The following HPCAL1 variants were observed in gnomAD, a reference collection of about 807,000 sequenced individuals.
HPCAL1 encodes the protein hippocalcin like 1, also known as hippocalcin-like protein 1.
In HPCAL1, 8 loss-of-function variants were observed where a neutral mutation model predicts 17.1. The ratio of observed to expected loss-of-function variants is 0.47; its 90% CI spans 0.27 to 0.84. The LOEUF (loss-of-function observed/expected upper bound fraction) is 0.84, where lower values mean the gene tolerates loss of function less well. HPCAL1 is among the 40% of genes least tolerant of loss of function. HPCAL1 has a pLI of 0.13. For synonymous variants in HPCAL1, 112 were observed against 111.4 expected (o/e 1.01, Z -0.03); for missense variants, 165 against 271.1 (o/e 0.61, Z 2.75).
intron 1 of HPCAL1, among the ~76,000 whole-genome samples, chr2:10,327,389 G>C (rs760133724): frequency 6.6e-6 from 1 of 152,210 alleles, no homozygotes; most frequent in African/African-American, 2.4e-5. Flanking sequence ...CCCCTGCCGA[G>C]TGGCTAGCGT....
rs568602490 is a variant in HPCAL1, at chr2:10,325,885, C to T, written c.-111+22708C>T. On this transcript the variant is annotated intron_variant, in intron 1 of 4. Transcript: ENST00000307845. ...GGCCATTTCCTTGCTGCATGGGAGC[C>T]GCTGGCCTTTTTCCACTGTGTTGGG... Among the ~76,000 whole-genome samples the T allele has an allele frequency of 4.6e-5, 7 of 152,326 alleles. No homozygotes were observed. In the East Asian group the frequency reaches 1.2e-3, roughly 25 times the overall value.
At chr2:10,400,802 G>T (rs534631472) in intron 2 of HPCAL1, among the ~76,000 whole-genome samples, 2 of 152,154 alleles carry the variant, frequency 1.3e-5, no homozygotes, top group Non-Finnish European at 2.9e-5. Context: ...CACACATTGT[G>T]GGCAGGCACA....
At chr2:10,405,073 A>G (rs928877249) in intron 2 of HPCAL1, among the ~76,000 whole-genome samples, 2 of 152,010 alleles carry the variant, frequency 1.3e-5, no homozygotes, top group Non-Finnish European at 2.9e-5. Flanking sequence ...CTTTATCCTC[A>G]CAACTGCTCA....
rs192308135 is a variant in HPCAL1 at position 10,416,264 on chromosome 2, C to T, written c.-24-3470C>T. On this transcript the variant is annotated intron_variant, in intron 2 of 4. Transcript: ENST00000307845. The stretch of plus-strand genomic sequence containing the variant: ...TCTTTTAGGCGGGCCATGATTCAAC[C>T]CATGCATCTGGGCCTAGGAAGTGGA... 1.6e-3 allele frequency among the ~76,000 whole-genome samples: 244 copies of T among 152,324 alleles called. 2 individuals are homozygous for T. Among genetic ancestry groups the T allele is most frequent in the African/African-American group, 5.7e-3 (236 of 41,578 alleles).
chr2:10,399,925 A>C (rs1419680492), intron 2 of HPCAL1, among the ~76,000 whole-genome samples: 1 of 152,254 alleles, frequency 6.6e-6, no homozygotes, highest in Admixed American at 6.5e-5. Context: ...GATGGAGAAC[A>C]GACCAGAGTA....
rs1404318595 is a variant in HPCAL1, at chr2:10,331,203, T to C, written c.-111+28026T>C. ...GCTCTGGGGACAGCCTGGACTCTCC[T>C]GCCTGCCCCCAGGTGCCCCCGGCCC... is the stretch of plus-strand genomic sequence containing the variant. On this transcript the variant is annotated intron_variant, in intron 1 of 4. Coordinates refer to ENST00000307845, the MANE Select transcript of HPCAL1 (RefSeq NM_002149.4). The surrounding 1 kb of genome is among the most constrained non-coding windows in gnomAD (Gnocchi z 5.0). 6.6e-6 allele frequency among the ~76,000 whole-genome samples: 1 copy of C among 152,062 alleles called. No homozygotes were observed.
At chr2:10,305,728 T>C (rs1352948630) in intron 1 of HPCAL1, among the ~76,000 whole-genome samples, 2 of 152,182 alleles carry the variant, frequency 1.3e-5, no homozygotes, top group East Asian at 1.9e-4. Flanking sequence ...TAGAGATAGA[T>C]TCTAAGTGAA....
At chr2:10,420,238 G>A in intron 3 of HPCAL1, 103 bp downstream of exon 3, 1 of 908,426 alleles carries the variant, frequency 1.1e-6, no homozygotes, top group Non-Finnish European at 1.5e-6. Flanking sequence ...TTTTAAGACA[G>A]GAATCTTGCT....
At chr2:10,382,320 A>G (rs564342148) in intron 1 of HPCAL1, among the ~76,000 whole-genome samples, 1 of 152,264 alleles carries the variant, frequency 6.6e-6, no homozygotes, top group South Asian at 2.1e-4. Flanking sequence ...GGGCATTTTT[A>G]AGGCAGTGAA....
chr2:10,339,804 G>T (rs1184061385), intron 1 of HPCAL1, among the ~76,000 whole-genome samples: 5 of 152,226 alleles, frequency 3.3e-5, no homozygotes, highest in Non-Finnish European at 7.3e-5. Context: ...ATGCCCGGCA[G>T]GACGTAGCAA....
At chr2:10,404,538 T>C (rs978676971) in intron 2 of HPCAL1, among the ~76,000 whole-genome samples, 11 of 152,104 alleles carry the variant, frequency 7.2e-5, no homozygotes, top group African/African-American at 2.2e-4. Context: ...AGCCACAGAC[T>C]CCCCAGAGAC....
At chr2:10,349,696 C>G (rs1483224750) in intron 1 of HPCAL1, among the ~76,000 whole-genome samples, 1 of 69,800 alleles carries the variant, frequency 1.4e-5, no homozygotes, top group African/African-American at 7.0e-5. Context: ...GAGCAAGACT[C>G]TGTCTCAAAA....
At chr2:10,326,989 C>T (rs1047999805) in intron 1 of HPCAL1, among the ~76,000 whole-genome samples, 1 of 152,206 alleles carries the variant, frequency 6.6e-6, no homozygotes, top group Admixed American at 6.5e-5. Flanking sequence ...TCCTCGGAAG[C>T]CCTTCGTCAC....
chr2:10,400,002 A>G (rs2125588262), intron 2 of HPCAL1, among the ~76,000 whole-genome samples: 1 of 152,288 alleles, frequency 6.6e-6, no homozygotes, highest in Non-Finnish European at 1.5e-5. Flanking sequence ...CAAAACAGAA[A>G]TGAGAGAAAG....
intron 1 of HPCAL1, among the ~76,000 whole-genome samples, chr2:10,345,196 T>C (rs1665350345): frequency 6.6e-6 from 1 of 152,232 alleles, no homozygotes; most frequent in Non-Finnish European, 1.5e-5. Flanking sequence ...CCTGCCTGTC[T>C]GTCTGTCTCT....
chr2:10,379,602 A>G (rs758335019), intron 1 of HPCAL1, among the ~76,000 whole-genome samples: 99 of 152,272 alleles, frequency 6.5e-4, no homozygotes, highest in Non-Finnish European at 1.1e-3. Context: ...ATGTCTCTCA[A>G]TAGGCTTTGC....
intron 1 of HPCAL1, among the ~76,000 whole-genome samples, chr2:10,374,235 G>A (rs938665757): frequency 6.6e-6 from 1 of 151,998 alleles, no homozygotes; most frequent in African/African-American, 2.4e-5. Flanking sequence ...CTGGGACAAC[G>A]GGCTGCATAA....
At chr2:10,327,198 G>A (rs957017263) in intron 1 of HPCAL1, among the ~76,000 whole-genome samples, 3 of 152,244 alleles carry the variant, frequency 2.0e-5, no homozygotes, top group East Asian at 3.8e-4. Flanking sequence ...GGGATTTGCA[G>A]CCACAGCTAA....
In HPCAL1 at chr2:10,304,411, G is replaced by A. The variant is rs1038436472; in HGVS notation, c.-111+1234G>A. ...AAAGGCCACCCCTTTCCTCCTGGCT[G>A]ACCCCAATTCCACCAGAGGAGGATG... On this transcript the variant is annotated intron_variant, in intron 1 of 4. Coordinates refer to ENST00000307845, the MANE Select transcript of HPCAL1 (RefSeq NM_002149.4). The surrounding 1 kb of genome is among the most constrained non-coding windows in gnomAD (Gnocchi z 4.1). Among the ~76,000 whole-genome samples the A allele has an allele frequency of 7.0e-6, 1 of 143,528 alleles. No homozygotes were observed. The highest frequency in any genetic ancestry group is 2.1e-4 in the East Asian group (1 of 4,726). The allele number at this position is 143,528 out of a possible 152,430, so 94.2% of individuals were successfully genotyped here. A position where few individuals can be genotyped will look rare whatever the true frequency, so the allele number is the denominator to read the frequency against.
Sources: gnomAD v4.1 joint callset for allele counts (sites outside exome capture counted in the v4.1 genomes callset) on GRCh38, gnomAD v4.1.1 for gene constraint, Gnocchi (gnomAD v3.1) non-coding constraint, MANE v1.5 for transcripts, NCBI Gene and HGNC (gene_info 2026-07-23, HGNC 2026-07-21) for gene names.